PCDH9: variants seen among roughly 807,000 people sequenced by gnomAD.
PCDH9 encodes protocadherin-9.
Under a neutral mutation model 70.6 loss-of-function variants are expected in PCDH9, and 24 were observed. The ratio of observed to expected loss-of-function variants is 0.34; its 90% CI spans 0.25 to 0.48. The LOEUF is 0.48. PCDH9 is among the 20% of genes least tolerant of loss of function. The pLI is 0.99. For synonymous variants in PCDH9, 562 were observed against 558.5 expected, an observed-to-expected ratio of 1.01 and a Z score of -0.09; for missense variants, 1,281 against 1,503.6, an observed-to-expected ratio of 0.85 and a Z score of 2.45.
intron 2 of PCDH9, among the ~76,000 whole-genome samples, chr13:67,154,913 A>G (rs1397985948): frequency 6.6e-6 from 1 of 152,006 alleles, no homozygotes; most frequent in East Asian, 2.0e-4. Context: ...GGGTTTTGCC[A>G]TGTTGGTCAG....
intron 4 of PCDH9, among the ~76,000 whole-genome samples, chr13:66,564,866 T>TG (rs2076629890): frequency 2.3e-5 from 1 of 43,480 alleles, no homozygotes; most frequent in African/African-American, 9.8e-5. Context: ...TAATGTAGGG[T>TG]TTTTTTTTTT....
chr13:66,437,260 AGCCGGGCGTGGTGGCGGGC>A (rs1424769542), intron 4 of PCDH9, among the ~76,000 whole-genome samples: 3 of 151,640 alleles, frequency 2.0e-5, no homozygotes, highest in Non-Finnish European at 4.4e-5. Context: ...ACAAAACATT[AGCCGGGCGTGGTGGCGGGC>A]GCCTGTAGTC....
intron 3 of PCDH9, among the ~76,000 whole-genome samples, chr13:66,631,633 A>G (rs1283712691): frequency 6.6e-6 from 1 of 152,232 alleles, no homozygotes; most frequent in African/African-American, 2.4e-5. Flanking sequence ...ATAATTCACG[A>G]CCTTAAAACT....
At chr13:66,909,537 A>G (rs925505778) in intron 2 of PCDH9, among the ~76,000 whole-genome samples, 3 of 152,176 alleles carry the variant, frequency 2.0e-5, no homozygotes, top group African/African-American at 7.2e-5. Flanking sequence ...TGGGAGGCCC[A>G]GGCAGGCGGA....
intron 4 of PCDH9, among the ~76,000 whole-genome samples, chr13:66,528,981 TCTCTA>T (rs1960326758): frequency 6.6e-6 from 1 of 152,118 alleles, no homozygotes; most frequent in Non-Finnish European, 1.5e-5. Context: ...GTGGTACCCT[TCTCTA>T]CTCTTCTCTA....
At chr13:67,132,146 A>C (rs1231420463) in intron 2 of PCDH9, among the ~76,000 whole-genome samples, 1 of 152,182 alleles carries the variant, frequency 6.6e-6, no homozygotes, top group Admixed American at 6.6e-5. Context: ...AAGTTTTAGG[A>C]AACTATGTGG....
intron 2 of PCDH9, among the ~76,000 whole-genome samples, chr13:67,168,153 C>T (rs1322592591): frequency 6.6e-6 from 1 of 152,166 alleles, no homozygotes; most frequent in Non-Finnish European, 1.5e-5. Context: ...AGTGAAAATC[C>T]ATATTCACAT....
chr13:66,797,273 G>C (rs2080257542), intron 3 of PCDH9, among the ~76,000 whole-genome samples: 1 of 151,990 alleles, frequency 6.6e-6, no homozygotes, highest in Admixed American at 6.6e-5. Flanking sequence ...AAATTTCATG[G>C]GGAAACTGGG....
intron 3 of PCDH9, among the ~76,000 whole-genome samples, chr13:66,875,449 G>A (rs1359753601): frequency 6.6e-6 from 1 of 152,162 alleles, no homozygotes; most frequent in East Asian, 1.9e-4. Context: ...ACATCAACAC[G>A]TGTGGATTCT....
chr13:66,977,921 T>C (rs1018844289), intron 2 of PCDH9, among the ~76,000 whole-genome samples: 2 of 152,142 alleles, frequency 1.3e-5, no homozygotes, highest in African/African-American at 2.4e-5. Flanking sequence ...AAAAATATAA[T>C]GTTTAGAGGA....
intron 2 of PCDH9, among the ~76,000 whole-genome samples, chr13:67,193,410 C>T (rs1289492507): frequency 6.6e-6 from 1 of 151,806 alleles, no homozygotes; most frequent in East Asian, 1.9e-4. Context: ...TCCCTTGTAA[C>T]ACAATAGTTT....
chr13:66,776,733 C>T (rs2079900492), intron 3 of PCDH9, among the ~76,000 whole-genome samples: 2 of 151,472 alleles, frequency 1.3e-5, no homozygotes, highest in African/African-American at 2.4e-5. Context: ...CAATGCCATC[C>T]CCATCAAGCT....
intron 3 of PCDH9, among the ~76,000 whole-genome samples, chr13:66,810,167 C>CT (rs1439674012): frequency 6.6e-6 from 1 of 151,982 alleles, no homozygotes; most frequent in Non-Finnish European, 1.5e-5. Flanking sequence ...GTATATTAGC[C>CT]TTTTTTCTGT....
At chr13:66,886,232 A>C (rs1047581821) in intron 3 of PCDH9, among the ~76,000 whole-genome samples, 1 of 152,178 alleles carries the variant, frequency 6.6e-6, no homozygotes, top group African/African-American at 2.4e-5. Context: ...TGTTTTTCAG[A>C]GTATAACTGG....
chr13:67,128,739 T>G (rs1380971259), intron 2 of PCDH9, among the ~76,000 whole-genome samples: 1 of 152,176 alleles, frequency 6.6e-6, no homozygotes, highest in African/African-American at 2.4e-5. Context: ...TACATCTATT[T>G]CCACTGTTTG....
At chr13:67,013,892 TATC>T (rs2084504007) in intron 2 of PCDH9, among the ~76,000 whole-genome samples, 1 of 151,992 alleles carries the variant, frequency 6.6e-6, no homozygotes, top group African/African-American at 2.4e-5. Flanking sequence ...GAACAATTGT[TATC>T]ATCACGAGAT....
intron 2 of PCDH9, among the ~76,000 whole-genome samples, chr13:67,102,923 C>T (rs61959402): frequency 4.6e-5 from 7 of 151,988 alleles, no homozygotes; most frequent in African/African-American, 1.7e-4. Flanking sequence ...ATACTCCTAC[C>T]TCTCCTCACA....
intron 4 of PCDH9, among the ~76,000 whole-genome samples, chr13:66,437,922 T>C (rs564424864): frequency 6.6e-6 from 1 of 152,248 alleles, no homozygotes; most frequent in East Asian, 1.9e-4. Context: ...GCTGTTTCTA[T>C]GGTTGTTTTC....
chr13:67,166,687 CTG>C (rs2088125658), intron 2 of PCDH9, among the ~76,000 whole-genome samples: 1 of 151,758 alleles, frequency 6.6e-6, no homozygotes, highest in African/African-American at 2.4e-5. Context: ...TTTTTTTATT[CTG>C]TGTTATATTA....
Sources: gnomAD v4.1 joint callset for allele counts (sites outside exome capture counted in the v4.1 genomes callset) on GRCh38, gnomAD v4.1.1 for gene constraint, MANE v1.5 for transcripts, NCBI Gene and HGNC (gene_info 2026-07-23, HGNC 2026-07-21) for gene names.